The following SYS1 variants were observed in gnomAD, a reference collection of about 807,000 sequenced individuals.
The protein encoded by SYS1 is SYS1 golgi trafficking protein.
Under a neutral mutation model 17.8 loss-of-function variants are expected in SYS1, and 8 were observed. That is an observed-to-expected ratio of 0.45 (90% CI 0.26 to 0.81). The LOEUF is 0.81. SYS1 is among the 40% of genes least tolerant of loss of function. The probability of loss-of-function intolerance (pLI) is 0.16; values close to 1 mark genes in which losing one functional copy is unlikely to be tolerated. For missense variants in SYS1, 161 were observed against 203.9 expected, an observed-to-expected ratio of 0.79 and a Z score of 1.28; for synonymous variants, 95 against 90.9, an observed-to-expected ratio of 1.05 and a Z score of -0.26.
chr20:45,370,251 T>C (rs1056344844), downstream of SYS1, among the ~76,000 whole-genome samples: 1 of 152,140 alleles, frequency 6.6e-6, no homozygotes, highest in Non-Finnish European at 1.5e-5. Flanking sequence ...TCAGATGATC[T>C]TAGGAATGTG....
chr20:45,364,321 C>G (rs766600319), intron 2 of SYS1, among the ~76,000 whole-genome samples: 1 of 151,958 alleles, frequency 6.6e-6, no homozygotes, highest in Non-Finnish European at 1.5e-5. Context: ...AAAAGTGGGC[C>G]GGATGCTCCT....
chr20:45,376,400 C>T (rs896692644), exon 4 of SYS1: 2 of 152,314 alleles, frequency 1.3e-5, no homozygotes, highest in South Asian at 2.1e-4. Flanking sequence ...ATGCCAGACT[C>T]GGGACCCTTA....
At chr20:45,373,980 G>T (rs780636844), downstream of SYS1, 4 of 1,613,938 alleles carry the variant, frequency 2.5e-6, no homozygotes, top group Middle Eastern at 1.6e-4. Context: ...CCCTCTGCTC[G>T]CACCTCTGGC....
chr20:45,368,226 CCA>C lies in SYS1; in HGVS notation c.*1112_*1113del. The C allele has an allele frequency of 1.0e-6, 1 of 985,428 alleles. No homozygotes were observed. The highest frequency in any genetic ancestry group is 5.2e-4 in the Middle Eastern group (1 of 1,914). 61.0% of individuals were successfully genotyped at this position (985,428 alleles called of 1,614,324 possible). On this transcript the variant is annotated 3_prime_UTR_variant, in exon 4 of 4. Coordinates refer to ENST00000243918, the MANE Select transcript of SYS1 (RefSeq NM_033542.4). ...GGCCACCTTCTCCCTTTCCTGGACC[CCA>C]GAGTCATTCCTCCATTTGGTTAAAA...
chr20:45,374,563 T>G, exon 4 of SYS1: 2 of 503,258 alleles, frequency 4.0e-6, no homozygotes, highest in Non-Finnish European at 7.0e-6. Context: ...TGAGCCACCA[T>G]GCCTAGCCTG....
At position 45,368,486 on chromosome 20, in the gene SYS1, AAC is replaced by A; in HGVS notation, c.*1375_*1376del. The A allele has an allele frequency of 5.1e-6, 5 of 985,456 alleles. No homozygotes were observed. The highest frequency in any genetic ancestry group is 6.0e-6 in the Non-Finnish European group (5 of 829,932). 61.0% of individuals were successfully genotyped at this position (985,456 alleles called of 1,614,324 possible). On this transcript the variant is annotated 3_prime_UTR_variant, in exon 4 of 4. Coordinates refer to ENST00000243918, the MANE Select transcript of SYS1 (RefSeq NM_033542.4). ...GAGCTGTCAGTTTTCAGCTGTCAGT[AAC>A]ACAAATGAGTTTATGGTAACACAAA...
At position 45,367,394 on chromosome 20, in the gene SYS1, G is replaced by A; in HGVS notation, c.*279G>A. On this transcript the variant is annotated 3_prime_UTR_variant, in exon 4 of 4. Transcript: ENST00000243918. ...ACAGAATTGGAACCATGCCACTCTT[G>A]AGCCACAATACCTGTCACCAGCCTG... The A allele has an allele frequency of 8.0e-7, 1 of 1,252,398 alleles. No homozygotes were observed. The highest frequency in any genetic ancestry group is 1.0e-6 in the Non-Finnish European group (1 of 991,244). 77.6% of individuals were successfully genotyped at this position (1,252,398 alleles called of 1,614,324 possible).
rs752620918 is a variant in SYS1, at chr20:45,367,719, A to G, written c.*604A>G. Reference sequence around the variant, plus strand: ...CCTGTGCCCTGTTATACACACGTTCATGTGCACCCAAGAACCTATGACTTT... The same window carrying G: ...CCTGTGCCCTGTTATACACACGTTCGTGTGCACCCAAGAACCTATGACTTT... On this transcript the variant is annotated 3_prime_UTR_variant, in exon 4 of 4. Transcript: ENST00000243918. 254 of 987,198 alleles carry G rather than the reference A, an allele frequency of 2.6e-4. No individual in the cohort carries two copies. The highest frequency in any genetic ancestry group is 2.9e-4 in the Non-Finnish European group (245 of 831,054). 61.2% of individuals were successfully genotyped at this position (987,198 alleles called of 1,614,324 possible). A position where few individuals can be genotyped will look rare whatever the true frequency, so the allele number is the denominator to read the frequency against.
rs1036857741 is a variant in SYS1, at chr20:45,366,978, C to G, written c.334C>G (p.Arg112Gly). ...CCTGGGCTGCTGGTTCTACAGCTCC[C>G]GTTTCCCCTCGGCGCTGACCTGGTG... is the stretch of plus-strand genomic sequence containing the variant. ...HLLGCWFYSSRFPSALTWWLV... is the reference protein window; with the variant it reads ...HLLGCWFYSSGFPSALTWWLV... The change falls in exon 4 of 4, where the codon CGT (arginine) becomes GGT (glycine). Residue 112 changes from arginine (R) to glycine (G), a missense_variant. Coordinates refer to ENST00000243918, the MANE Select transcript of SYS1 (RefSeq NM_033542.4). 2 of 1,614,080 alleles carry G rather than the reference C, an allele frequency of 1.2e-6. No homozygotes were observed. The highest frequency in any genetic ancestry group is 1.7e-6 in the Non-Finnish European group (2 of 1,180,044).
exon 4 of SYS1, chr20:45,374,353 G>T: frequency 1.5e-6 from 1 of 665,750 alleles, no homozygotes; most frequent in Non-Finnish European, 2.7e-6. Flanking sequence ...GCTCACTGCA[G>T]CCTCGACTCC....
rs1988459188 is a variant in SYS1 at position 45,367,570 on chromosome 20, T to TACCTTTGCAGTGTTG, written c.*455_*456insACCTTTGCAGTGTTG. On this transcript the variant is annotated 3_prime_UTR_variant, in exon 4 of 4. Coordinates refer to ENST00000243918, the MANE Select transcript of SYS1 (RefSeq NM_033542.4). ...TGCAGTGTTGCCGAATCACAGCAGT[T>TACCTTTGCAGTGTTG]CTGTTGGAGAAACGCTTGGTTTCCG... 1.0e-6 allele frequency: 1 copy of TACCTTTGCAGTGTTG among 995,574 alleles called. No individual in the cohort carries two copies. Among genetic ancestry groups the TACCTTTGCAGTGTTG allele is most frequent in the Admixed American group, 5.6e-5 (1 of 17,860 alleles). 61.7% of individuals were successfully genotyped at this position (995,574 alleles called of 1,614,324 possible). A position where few individuals can be genotyped will look rare whatever the true frequency, so the allele number is the denominator to read the frequency against.
upstream of SYS1, among the ~76,000 whole-genome samples, chr20:45,362,864 GAC>G (rs775771128): frequency 7.2e-5 from 11 of 152,190 alleles, no homozygotes; most frequent in Middle Eastern, 3.4e-3. Context: ...TGAAAATAAC[GAC>G]ACAGTTTATC....
chr20:45,372,024 T>A (rs1282248825), downstream of SYS1, among the ~76,000 whole-genome samples: 1 of 152,214 alleles, frequency 6.6e-6, no homozygotes, highest in Non-Finnish European at 1.5e-5. Flanking sequence ...ATTCAAACAC[T>A]TCAATTTTTT....
intron 3 of SYS1, among the ~76,000 whole-genome samples, chr20:45,366,406 T>A (rs1988415176): frequency 6.6e-6 from 1 of 152,226 alleles, no homozygotes; most frequent in Non-Finnish European, 1.5e-5. Context: ...CCAGATAGGT[T>A]CTATTTGGCT....
downstream of SYS1, among the ~76,000 whole-genome samples, chr20:45,370,973 C>T (rs539339220): frequency 2.0e-5 from 3 of 152,250 alleles, no homozygotes; most frequent in East Asian, 1.9e-4. Flanking sequence ...CCTGCCCTGC[C>T]GCTACCTGGG....
In SYS1 at chr20:45,367,369, A is replaced by G. The variant is rs1241111791; in HGVS notation, c.*254A>G. ...GAAGGGGACCTCTTTGAGGGTAATA[A>G]CAGAATTGGAACCATGCCACTCTTG... On this transcript the variant is annotated 3_prime_UTR_variant, in exon 4 of 4. Transcript: ENST00000243918. 8.2e-6 allele frequency: 11 copies of G among 1,337,776 alleles called. No individual in the cohort carries two copies. The highest frequency in any genetic ancestry group is 1.1e-5 in the Non-Finnish European group (11 of 1,042,210). The allele number at this position is 1,337,776 out of a possible 1,614,324, so 82.9% of individuals were successfully genotyped here. A position where few individuals can be genotyped will look rare whatever the true frequency, so the allele number is the denominator to read the frequency against.
intron 3 of SYS1, chr20:45,374,226 T>C (rs1327197940): frequency 2.0e-5 from 14 of 685,760 alleles, no homozygotes; most frequent in Non-Finnish European, 3.2e-5. Flanking sequence ...GCTGCGGTAT[T>C]TTCTTCTTTT....
upstream of SYS1, chr20:45,362,971 G>A (rs148690913): frequency 1.6e-3 from 621 of 384,874 alleles, no homozygotes; most frequent in African/African-American, 0.013. Flanking sequence ...TTCCCCTCTA[G>A]AGGGCGCGCA....
In SYS1 at chr20:45,363,230, A is replaced by G; in HGVS notation, c.-89A>G. The G allele has an allele frequency of 1.7e-6, 2 of 1,148,996 alleles. No homozygotes were observed. Among genetic ancestry groups the G allele is most frequent in the Middle Eastern group, 3.7e-4 (1 of 2,724 alleles). 71.2% of individuals were successfully genotyped at this position (1,148,996 alleles called of 1,614,324 possible). A position where few individuals can be genotyped will look rare whatever the true frequency, so the allele number is the denominator to read the frequency against. The stretch of plus-strand genomic sequence containing the variant: ...TCTAGGCCGGCAGCGCCTCTCCTCC[A>G]TGGTCCTGTCTGTCAGCGCTGTTTT... On this transcript the variant is annotated 5_prime_UTR_variant, in exon 1 of 4. The change abolishes an upstream ATG in the 5' untranslated region. Coordinates refer to ENST00000243918, the MANE Select transcript of SYS1 (RefSeq NM_033542.4).
Sources: gnomAD v4.1 joint callset for allele counts (sites outside exome capture counted in the v4.1 genomes callset) on GRCh38, gnomAD v4.1.1 for gene constraint, MANE v1.5 for transcripts, NCBI Gene and HGNC (gene_info 2026-07-23, HGNC 2026-07-21) for gene names.